Variants in RBFOX1 observed in about 807,000 individuals in gnomAD.
RBFOX1 encodes the protein RNA binding fox-1 homolog 1, also known as RNA binding protein fox-1 homolog 1.
RBFOX1 carries 8 observed loss-of-function variants against 57.7 expected under a neutral mutation model. The observed-to-expected ratio is 0.14, with a 90% CI of 0.08 to 0.25. The LOEUF (loss-of-function observed/expected upper bound fraction) is 0.25, where lower values mean the gene tolerates loss of function less well. Ranked by LOEUF, RBFOX1 falls within the 10% of genes least tolerant of loss-of-function variation. The pLI, the probability that RBFOX1 is intolerant of heterozygous loss-of-function variation, is 1.00. For synonymous variants in RBFOX1, 326 were observed against 222.4 expected, an observed-to-expected ratio of 1.47 and a Z score of -4.15; for missense variants, 611 against 548.5, an observed-to-expected ratio of 1.11 and a Z score of -1.14.
intron 4 of RBFOX1, among the ~76,000 whole-genome samples, chr16:7,395,689 C>G (rs557962989): frequency 8.5e-5 from 13 of 152,254 alleles, no homozygotes; most frequent in East Asian, 1.9e-4. Context: ...ATAGATGTGT[C>G]TATAGACTTG....
At chr16:5,863,686 C>T (rs1416124728) in intron 3 of RBFOX1, among the ~76,000 whole-genome samples, 4 of 152,106 alleles carry the variant, frequency 2.6e-5, no homozygotes, top group African/African-American at 9.7e-5. Context: ...TAAAGTTTAC[C>T]CCTTGTTTCA....
At chr16:7,338,168 C>T (rs568216339) in intron 4 of RBFOX1, among the ~76,000 whole-genome samples, 24 of 152,106 alleles carry the variant, frequency 1.6e-4, no homozygotes, top group Non-Finnish European at 3.1e-4. Flanking sequence ...GTATTTAGCC[C>T]AGGGTGCATT....
intron 1 of RBFOX1, among the ~76,000 whole-genome samples, chr16:6,071,063 C>T (rs985730306): frequency 6.6e-6 from 1 of 152,156 alleles, no homozygotes; most frequent in African/African-American, 2.4e-5. Context: ...TGGTTCATGC[C>T]TGTAACCCCA....
At chr16:6,081,357 G>C (rs1200961861) in intron 1 of RBFOX1, among the ~76,000 whole-genome samples, 2 of 152,170 alleles carry the variant, frequency 1.3e-5, no homozygotes, top group African/African-American at 4.8e-5. Context: ...TAACATTCCG[G>C]AGTTCAGGTC....
chr16:6,800,909 G>T (rs1340761448), intron 3 of RBFOX1, among the ~76,000 whole-genome samples: 1 of 152,062 alleles, frequency 6.6e-6, no homozygotes, highest in East Asian at 1.9e-4. Context: ...TGGAAATCTG[G>T]AAACTAGTTT....
At chr16:6,119,198 A>G (rs2096529957) in intron 1 of RBFOX1, among the ~76,000 whole-genome samples, 1 of 151,968 alleles carries the variant, frequency 6.6e-6, no homozygotes, top group African/African-American at 2.4e-5. Context: ...GGCTCAATGA[A>G]TATGAGCTGT....
chr16:5,604,485 C>T (rs1010323507), downstream of RBFOX1, among the ~76,000 whole-genome samples: 1 of 152,216 alleles, frequency 6.6e-6, no homozygotes, highest in African/African-American at 2.4e-5. Context: ...CCACATGGCC[C>T]TCTCCACAGG....
chr16:6,273,750 CT>C (rs1307457173), intron 1 of RBFOX1, among the ~76,000 whole-genome samples: 1 of 152,016 alleles, frequency 6.6e-6, no homozygotes, highest in Non-Finnish European at 1.5e-5. Context: ...GCAAAACACC[CT>C]GCTAAGTGGA....
chr16:6,518,924 G>C (rs1026694795), intron 2 of RBFOX1, among the ~76,000 whole-genome samples: 34 of 152,112 alleles, frequency 2.2e-4, no homozygotes, highest in African/African-American at 8.2e-4. Context: ...TTTGGTCAGA[G>C]TTCAGCCACA....
At chr16:6,828,879 A>C (rs1267267375) in intron 3 of RBFOX1, among the ~76,000 whole-genome samples, 1 of 152,166 alleles carries the variant, frequency 6.6e-6, no homozygotes, top group Non-Finnish European at 1.5e-5. Context: ...CCCTTGGCTA[A>C]AGAAACACAT....
At chr16:6,034,854 A>G (rs1481112956) in intron 1 of RBFOX1, among the ~76,000 whole-genome samples, 3 of 151,848 alleles carry the variant, frequency 2.0e-5, no homozygotes, top group African/African-American at 7.3e-5. Context: ...GGGCTGAGAG[A>G]CCTCAGGTGC....
intron 1 of RBFOX1, among the ~76,000 whole-genome samples, chr16:5,297,148 A>G (rs1390860313): frequency 2.6e-5 from 4 of 152,066 alleles, no homozygotes; most frequent in African/African-American, 9.7e-5. Context: ...TTCCTTATCC[A>G]TTTATCTTTT....
At chr16:7,078,739 A>G (rs147876594) in intron 4 of RBFOX1, among the ~76,000 whole-genome samples, 1,507 of 144,756 alleles carry the variant, frequency 0.01, 30 homozygotes, top group African/African-American at 0.036. Context: ...CTGGAGTGCA[A>G]TGGCATGATC....
At chr16:6,661,460 A>G (rs1004378342) in intron 3 of RBFOX1, among the ~76,000 whole-genome samples, 11 of 152,198 alleles carry the variant, frequency 7.2e-5, no homozygotes, top group African/African-American at 1.4e-4. Flanking sequence ...TATGGAGGGA[A>G]TAGTTTATCA....
intron 4 of RBFOX1, among the ~76,000 whole-genome samples, chr16:7,117,793 G>C (rs1486162821): frequency 6.6e-6 from 1 of 152,120 alleles, no homozygotes; most frequent in East Asian, 1.9e-4. Context: ...AGCCAGGACT[G>C]GGTTCTCATT....
intron 1 of RBFOX1, among the ~76,000 whole-genome samples, chr16:5,362,205 T>G (rs1344743308): frequency 6.6e-6 from 1 of 152,194 alleles, no homozygotes. Flanking sequence ...AACTTTTTTT[T>G]TTTTGAGATG....
intron 1 of RBFOX1, among the ~76,000 whole-genome samples, chr16:6,282,754 C>G (rs2076525198): frequency 6.6e-6 from 1 of 152,122 alleles, no homozygotes; most frequent in Non-Finnish European, 1.5e-5. Context: ...TTTAAGAGGT[C>G]TTTAAACAAT....
chr16:5,982,183 C>T (rs1198543619), intron 4 of RBFOX1, among the ~76,000 whole-genome samples: 1 of 152,164 alleles, frequency 6.6e-6, no homozygotes, highest in Non-Finnish European at 1.5e-5. Flanking sequence ...CTACCTTTAC[C>T]CAAGCATGCT....
At position 6,041,223 on chromosome 16, in the gene RBFOX1, T is replaced by A. The variant is rs1030024172; in HGVS notation, c.-127+21231T>A. Among the ~76,000 whole-genome samples the A allele has an allele frequency of 3.3e-5, 5 of 152,328 alleles. No homozygotes were observed. The South Asian group carries it at 1.0e-3, about 32-fold the overall frequency. Reference sequence around the variant, plus strand: ...CATGATATGCAGCCCCAGTAGGTTTTATGACCTAGTCTCAGAGTCAAACAG... The same window carrying A: ...CATGATATGCAGCCCCAGTAGGTTTAATGACCTAGTCTCAGAGTCAAACAG... On this transcript the variant is annotated intron_variant, in intron 1 of 15. Coordinates refer to ENST00000550418, the MANE Select transcript of RBFOX1 (RefSeq NM_018723.4).
Sources: gnomAD v4.1 joint callset for allele counts (sites outside exome capture counted in the v4.1 genomes callset) on GRCh38, gnomAD v4.1.1 for gene constraint, MANE v1.5 for transcripts, NCBI Gene and HGNC (gene_info 2026-07-23, HGNC 2026-07-21) for gene names.